Variants in TSPAN9 observed in about 807,000 individuals in gnomAD.
The protein encoded by TSPAN9 is tetraspanin-9.
A neutral mutation model predicts 31.0 loss-of-function variants in TSPAN9; 16 were observed. That is an observed-to-expected ratio of 0.52 (90% CI 0.35 to 0.78). The LOEUF (loss-of-function observed/expected upper bound fraction) is 0.78, where lower values mean the gene tolerates loss of function less well. TSPAN9 is among the 30% of genes least tolerant of loss of function. The pLI is 0.01. For missense variants in TSPAN9, 272 were observed against 312.5 expected (o/e 0.87, Z 0.98); for synonymous variants, 145 against 121.6 (o/e 1.19, Z -1.27).
intron 2 of TSPAN9, among the ~76,000 whole-genome samples, chr12:3,163,261 G>T (rs545393025): frequency 6.6e-6 from 1 of 152,320 alleles, no homozygotes; most frequent in African/African-American, 2.4e-5. Flanking sequence ...AACTGTTCAA[G>T]GGCCAGCTTA....
rs958817099 is a variant in TSPAN9, at chr12:3,192,131, GAA to G, written c.-17-9044_-17-9043del. On this transcript the variant is annotated intron_variant, in intron 2 of 8. Coordinates refer to ENST00000011898, the MANE Select transcript of TSPAN9 (RefSeq NM_006675.5). The surrounding 1 kb of genome is among the most constrained non-coding windows in gnomAD (Gnocchi z 4.6). The stretch of plus-strand genomic sequence containing the variant: ...GAGAATGTTGGACGGGGGCTGGAGA[GAA>G]AGGCAGGGATCAGTCATGCCGGCCG... Among the ~76,000 whole-genome samples the G allele has an allele frequency of 1.5e-4, 23 of 152,152 alleles. No individual in the cohort carries two copies. Among genetic ancestry groups the G allele is most frequent in the Non-Finnish European group, 3.1e-4 (21 of 68,030 alleles).
At chr12:3,140,427 A>C (rs575287287) in intron 2 of TSPAN9, among the ~76,000 whole-genome samples, 1 of 152,076 alleles carries the variant, frequency 6.6e-6, no homozygotes, top group Non-Finnish European at 1.5e-5. Flanking sequence ...CAGTAGGATC[A>C]TGCACTGGCC....
intron 2 of TSPAN9, among the ~76,000 whole-genome samples, chr12:3,104,559 G>A (rs1396835463): frequency 6.6e-6 from 1 of 152,024 alleles, no homozygotes; most frequent in Non-Finnish European, 1.5e-5. Flanking sequence ...TTGCTATGTT[G>A]CCCAGGTTGG....
chr12:3,279,161 G>A, intron 5 of TSPAN9, 95 bp downstream of exon 5: 1 of 1,128,560 alleles, frequency 8.9e-7, no homozygotes, highest in Non-Finnish European at 1.3e-6. Flanking sequence ...CAGAGGAAGA[G>A]TGCTGGCAAG....
chr12:3,105,218 C>G (rs567801139), intron 2 of TSPAN9, among the ~76,000 whole-genome samples: 1 of 152,166 alleles, frequency 6.6e-6, no homozygotes, highest in Non-Finnish European at 1.5e-5. Flanking sequence ...CTCAGTGCCC[C>G]GAGGCAGGCA....
intron 2 of TSPAN9, among the ~76,000 whole-genome samples, chr12:3,109,004 C>T (rs1164330266): frequency 1.3e-5 from 2 of 151,710 alleles, no homozygotes; most frequent in African/African-American, 4.8e-5. Flanking sequence ...GGCGCGATCT[C>T]CGCTCACTGC....
rs369719341 is a variant in TSPAN9 at position 3,193,914 on chromosome 12, G to A, written c.-17-7263G>A. Among the ~76,000 whole-genome samples the A allele has an allele frequency of 5.9e-5, 9 of 152,340 alleles. No homozygotes were observed. The South Asian group carries it at 1.7e-3, about 28-fold the overall frequency. Reference sequence around the variant, plus strand: ...GTGCTGGGGATATGGCTGTGAGTGAGACAGCTGACCGCATGGCATTTGCAC... The same window carrying A: ...GTGCTGGGGATATGGCTGTGAGTGAAACAGCTGACCGCATGGCATTTGCAC... On this transcript the variant is annotated intron_variant, in intron 2 of 8. Transcript: ENST00000011898.
chr12:3,154,344 C>T (rs1387551756), intron 2 of TSPAN9, among the ~76,000 whole-genome samples: 1 of 152,172 alleles, frequency 6.6e-6, no homozygotes, highest in African/African-American at 2.4e-5. Flanking sequence ...GCCCGCTGGC[C>T]TGGTACATAG....
At chr12:3,140,453 A>G (rs1266744714) in intron 2 of TSPAN9, among the ~76,000 whole-genome samples, 4 of 151,650 alleles carry the variant, frequency 2.6e-5, no homozygotes, top group African/African-American at 9.8e-5. Context: ...TGGACGGGAA[A>G]TAGAAAGCCT....
chr12:3,272,356 G>T (rs1862696263), intron 3 of TSPAN9, among the ~76,000 whole-genome samples: 1 of 152,124 alleles, frequency 6.6e-6, no homozygotes, highest in South Asian at 2.1e-4. Flanking sequence ...GGCCCACTCA[G>T]GCCCCTCCAT....
rs1862974174 is a variant in TSPAN9 at position 3,284,567 on chromosome 12, AC to A, written c.*1452del. 1 of 153,058 alleles carries A rather than the reference AC, an allele frequency of 6.5e-6. No individual in the cohort carries two copies. The highest frequency in any genetic ancestry group is 1.5e-5 in the Non-Finnish European group (1 of 68,124). The allele number at this position is 153,058 out of a possible 1,614,324, so 9.5% of individuals were successfully genotyped here. On this transcript the variant is annotated 3_prime_UTR_variant, in exon 9 of 9. Coordinates refer to ENST00000011898, the MANE Select transcript of TSPAN9 (RefSeq NM_006675.5). ...CCACGGGAAGAAAGCAGCCGGAGTCACGCACGTGCAGAGCTGGGCATGGGAG... is the reference window on the plus strand; with the variant it reads ...CCACGGGAAGAAAGCAGCCGGAGTCAGCACGTGCAGAGCTGGGCATGGGAG...
chr12:3,084,747 C>T (rs1454945264), intron 2 of TSPAN9, among the ~76,000 whole-genome samples: 3 of 152,246 alleles, frequency 2.0e-5, no homozygotes, highest in Non-Finnish European at 1.5e-5. Context: ...GCTGTCATGT[C>T]CTCCTCCTTT....
intron 2 of TSPAN9, among the ~76,000 whole-genome samples, chr12:3,180,328 C>T (rs2098358031): frequency 6.6e-6 from 1 of 152,092 alleles, no homozygotes. Flanking sequence ...CCTGTCTCTA[C>T]AGAAAAAATA....
At chr12:3,162,562 G>C (rs1206872115) in intron 2 of TSPAN9, among the ~76,000 whole-genome samples, 3 of 152,044 alleles carry the variant, frequency 2.0e-5, no homozygotes, top group Non-Finnish European at 4.4e-5. Flanking sequence ...CTTGGAAGCT[G>C]TTGATCAAGC....
At chr12:3,109,265 A>AGTCTGTGTGT (rs2098316736) in intron 2 of TSPAN9, among the ~76,000 whole-genome samples, 3 of 26,960 alleles carry the variant, frequency 1.1e-4, no homozygotes, top group Non-Finnish European at 1.4e-4. Flanking sequence ...TGTTTCATAT[A>AGTCTGTGTGT]GTCTGTGTGT....
chr12:3,239,609 G>A (rs1363932361), intron 3 of TSPAN9, among the ~76,000 whole-genome samples: 8 of 152,206 alleles, frequency 5.3e-5, no homozygotes, highest in African/African-American at 1.4e-4. Flanking sequence ...GAAGTAGAAA[G>A]TCTCTTTGCC....
intron 2 of TSPAN9, among the ~76,000 whole-genome samples, chr12:3,141,481 C>T (rs1212181128): frequency 6.6e-6 from 1 of 152,176 alleles, no homozygotes; most frequent in Non-Finnish European, 1.5e-5. Context: ...TCCTCTGAGG[C>T]CCACACATCT....
chr12:3,237,280 C>A (rs956282447), intron 3 of TSPAN9, among the ~76,000 whole-genome samples: 1 of 108,918 alleles, frequency 9.2e-6, no homozygotes, highest in African/African-American at 3.4e-5. Context: ...CACAGATATT[C>A]CTGGGCTTGC....
intron 3 of TSPAN9, among the ~76,000 whole-genome samples, chr12:3,248,657 A>T (rs908766400): frequency 1.3e-4 from 20 of 150,218 alleles, no homozygotes; most frequent in African/African-American, 4.4e-4. Flanking sequence ...TTTTTGGAGG[A>T]TAAAATTGAG....
Sources: gnomAD v4.1 joint callset for allele counts (sites outside exome capture counted in the v4.1 genomes callset) on GRCh38, gnomAD v4.1.1 for gene constraint, Gnocchi (gnomAD v3.1) non-coding constraint, MANE v1.5 for transcripts, NCBI Gene and HGNC (gene_info 2026-07-23, HGNC 2026-07-21) for gene names.